The following USP24 variants were observed in gnomAD, a reference collection of about 807,000 sequenced individuals.
The protein encoded by USP24 is ubiquitin carboxyl-terminal hydrolase 24.
A neutral mutation model predicts 361.6 loss-of-function variants in USP24; 97 were observed. The ratio of observed to expected loss-of-function variants is 0.27; its 90% CI spans 0.23 to 0.32. The LOEUF (loss-of-function observed/expected upper bound fraction) is 0.32. Ranked by LOEUF, USP24 falls within the 10% of genes least tolerant of loss-of-function variation. USP24 has a pLI of 1.00. For synonymous variants in USP24, 1,098 were observed against 1,124.6 expected, an observed-to-expected ratio of 0.98 and a Z score of 0.47; for missense variants, 2,353 against 3,165.6, an observed-to-expected ratio of 0.74 and a Z score of 6.16.
chr1:55,121,308 C>A (rs1646274189), intron 37 of USP24, 128 bp downstream of exon 37: 1 of 716,334 alleles, frequency 1.4e-6, no homozygotes, highest in Non-Finnish European at 2.2e-6. Flanking sequence ...TGGTCTGCAG[C>A]CCCTTCGTAC....
At chr1:55,109,256 C>T (rs953393379) in intron 39 of USP24, among the ~76,000 whole-genome samples, 1 of 152,296 alleles carries the variant, frequency 6.6e-6, no homozygotes, top group South Asian at 2.1e-4. Flanking sequence ...GGATCACAGG[C>T]GTAAGCCACT....
chr1:55,199,388 G>A (rs994315172), intron 1 of USP24, among the ~76,000 whole-genome samples: 5 of 152,084 alleles, frequency 3.3e-5, no homozygotes, highest in Admixed American at 6.6e-5. Context: ...AAAGTCTATA[G>A]AGGATATTGC....
chr1:55,181,763 G>A (rs1643973905), intron 1 of USP24, among the ~76,000 whole-genome samples: 1 of 152,184 alleles, frequency 6.6e-6, no homozygotes, highest in South Asian at 2.1e-4. Flanking sequence ...AGCATCATCA[G>A]TGTTAAGGAC....
intron 1 of USP24, among the ~76,000 whole-genome samples, chr1:55,178,487 T>C (rs1284616297): frequency 6.6e-6 from 1 of 151,356 alleles, no homozygotes; most frequent in Non-Finnish European, 1.5e-5. Flanking sequence ...GCTAACACGG[T>C]GAAACCCCGT....
chr1:55,073,945 T>C, intron 63 of USP24, 39 bp from the exon 64 acceptor site: 1 of 1,517,280 alleles, frequency 6.6e-7, no homozygotes, highest in Non-Finnish European at 8.9e-7. Flanking sequence ...AATAAAAGAC[T>C]CAACTGAAAA....
At chr1:55,195,869 CACA>C (rs1188942173) in intron 1 of USP24, among the ~76,000 whole-genome samples, 1 of 152,042 alleles carries the variant, frequency 6.6e-6, no homozygotes, top group African/African-American at 2.4e-5. Context: ...GGAGATGTTT[CACA>C]ACAATTTGAA....
chr1:55,075,683 C>T (rs1001573386), intron 62 of USP24, among the ~76,000 whole-genome samples, 160 bp from the exon 63 acceptor site: 5 of 151,272 alleles, frequency 3.3e-5, no homozygotes, highest in African/African-American at 9.7e-5. Flanking sequence ...ACCACCAATA[C>T]AGGACGGGCA....
chr1:55,116,751 A>G (rs1258783899), intron 38 of USP24, among the ~76,000 whole-genome samples: 1 of 152,078 alleles, frequency 6.6e-6, no homozygotes, highest in Non-Finnish European at 1.5e-5. Context: ...AGATGGCTTC[A>G]CTGGTGAATT....
intron 32 of USP24, among the ~76,000 whole-genome samples, chr1:55,126,155 G>A (rs1646422545): frequency 6.6e-6 from 1 of 152,202 alleles, no homozygotes; most frequent in African/African-American, 2.4e-5. Context: ...GCAATGTCAT[G>A]TCCCAGACCT....
intron 32 of USP24, among the ~76,000 whole-genome samples, chr1:55,126,166 C>CT (rs2100619165): frequency 6.6e-6 from 1 of 152,366 alleles, no homozygotes; most frequent in African/African-American, 2.4e-5. Context: ...TCCCAGACCT[C>CT]TGTCTCATTT....
rs138562939 is a variant in USP24, at chr1:55,101,542, G to A, written c.5145+42C>T. 4.7e-3 allele frequency: 7,340 copies of A among 1,567,590 alleles called. 28 individuals are homozygous for A. Among genetic ancestry groups the A allele is most frequent in the Middle Eastern group, 9.8e-3 (59 of 6,010 alleles). ...ATGAAACAATTTTCAAGTAACGCAC[G>A]TATTATCTATCGTACCAAAAAGGAT... is the stretch of plus-strand genomic sequence containing the variant. On this transcript the variant is annotated intron_variant, in intron 43 of 67. Transcript: ENST00000294383.
At chr1:55,103,260 G>A (rs529542008) in intron 42 of USP24, among the ~76,000 whole-genome samples, 2 of 152,252 alleles carry the variant, frequency 1.3e-5, no homozygotes, top group Middle Eastern at 3.4e-3. Context: ...CCTATTTTAA[G>A]TTTCAGCTCC....
chr1:55,171,686 C>A lies in USP24; in HGVS notation c.703-8G>T. On this transcript the variant is annotated splice_region_variant and splice_polypyrimidine_tract_variant and intron_variant, in intron 4 of 67. Transcript: ENST00000294383. ...ATTATCAGGATTGAAAGCCTAGATTCAAAGAGAACAGAGAAACATTATTAT... is the reference window on the plus strand; with the variant it reads ...ATTATCAGGATTGAAAGCCTAGATTAAAAGAGAACAGAGAAACATTATTAT... 6.3e-7 allele frequency: 1 copy of A among 1,598,118 alleles called. No homozygotes were observed. Among genetic ancestry groups the A allele is most frequent in the Non-Finnish European group, 8.5e-7 (1 of 1,170,394 alleles).
chr1:55,149,478 G>C (rs1647131777), intron 16 of USP24, among the ~76,000 whole-genome samples: 2 of 152,120 alleles, frequency 1.3e-5, no homozygotes, highest in African/African-American at 4.8e-5. Flanking sequence ...CACTTTTGTT[G>C]TCTTTGTAGA....
chr1:55,078,946 C>CA (rs112282583), intron 60 of USP24, among the ~76,000 whole-genome samples: 2,613 of 68,874 alleles, frequency 0.038, 29 homozygotes, highest in East Asian at 0.069. Flanking sequence ...AAATATTAAG[C>CA]AAAAAAAAAA....
chr1:55,134,649 T>A (rs1646684064), intron 28 of USP24, among the ~76,000 whole-genome samples: 1 of 152,054 alleles, frequency 6.6e-6, no homozygotes, highest in Non-Finnish European at 1.5e-5. Context: ...CACCTGCTAG[T>A]GAAGGGACTA....
chr1:55,157,928 C>A (rs1007196941), intron 10 of USP24, among the ~76,000 whole-genome samples: 1 of 151,894 alleles, frequency 6.6e-6, no homozygotes, highest in Non-Finnish European at 1.5e-5. Flanking sequence ...CTAACCCAAA[C>A]CTCAATCAGG....
intron 3 of USP24, 85 bp from the exon 4 acceptor site, chr1:55,172,605 G>C: frequency 7.2e-7 from 1 of 1,382,520 alleles, no homozygotes; most frequent in Non-Finnish European, 9.6e-7. Flanking sequence ...TCAAATAAGT[G>C]AGAGATTATG....
rs1646893750 is a variant in USP24 at position 55,141,709 on chromosome 1, C to T, written c.2657G>A (p.Gly886Asp). 1.2e-6 allele frequency: 2 copies of T among 1,609,100 alleles called. No individual in the cohort carries two copies. Among genetic ancestry groups the T allele is most frequent in the African/African-American group, 2.7e-5 (2 of 74,808 alleles). Reference protein sequence around the residue: ...RLEAASSALGGPTLTHAVTRA... With the variant: ...RLEAASSALGDPTLTHAVTRA... The stretch of plus-strand genomic sequence containing the variant: ...GGTCACAGCATGTGTTAGAGTGGGG[C>T]CACCAAGTGCTGAACTGGCTGCCTA... The change falls in exon 24 of 68, where the codon GGC (glycine) becomes GAC (aspartate). Residue 886 changes from glycine (G) to aspartate (D), a missense_variant. By Grantham distance (94) the Gly-to-Asp change is moderately conservative. Around this residue, in one of 8 missense-constraint regions of USP24, gnomAD observed 949 missense variants for 1,280.5 expected, o/e 0.74. Transcript: ENST00000294383.
Sources: allele counts gnomAD v4.1 joint callset (sites outside exome capture counted in the v4.1 genomes callset), GRCh38; gene constraint gnomAD v4.1.1; regional missense constraint gnomAD v4.1.1; transcripts MANE v1.5; gene names NCBI Gene and HGNC (gene_info 2026-07-23, HGNC 2026-07-21).